PSMD1: variants seen among roughly 807,000 people sequenced by gnomAD.
PSMD1 encodes the protein proteasome 26S subunit, non-ATPase 1.
In PSMD1, 18 loss-of-function variants were observed where a neutral mutation model predicts 119.0. The observed-to-expected ratio is 0.15, with a 90% CI of 0.10 to 0.22. PSMD1 has a LOEUF of 0.22. PSMD1 is among the 10% of genes least tolerant of loss of function. PSMD1 has a pLI of 1.00. For missense variants in PSMD1, 702 were observed against 1,158.5 expected, an observed-to-expected ratio of 0.61 and a Z score of 5.72; for synonymous variants, 374 against 396.6, an observed-to-expected ratio of 0.94 and a Z score of 0.68.
chr2:231,096,606 A>C (rs1426916509), intron 16 of PSMD1, among the ~76,000 whole-genome samples: 1 of 152,228 alleles, frequency 6.6e-6, no homozygotes, highest in Non-Finnish European at 1.5e-5. Flanking sequence ...CCACAAAAGA[A>C]ATAGCACTTG....
intron 16 of PSMD1, among the ~76,000 whole-genome samples, chr2:231,099,849 C>T (rs566821098): frequency 2.8e-4 from 42 of 152,290 alleles, no homozygotes; most frequent in Non-Finnish European, 5.1e-4. Flanking sequence ...CACTGCCCCC[C>T]TCCCCCTTGC....
At chr2:231,161,310 A>G in intron 19 of PSMD1, 30 bp from the exon 20 acceptor site, 1 of 1,543,108 alleles carries the variant, frequency 6.5e-7, no homozygotes, top group Non-Finnish European at 8.8e-7. Context: ...CAATACTATT[A>G]TTGTTCATGG....
intron 16 of PSMD1, among the ~76,000 whole-genome samples, chr2:231,118,027 C>T (rs1695403064): frequency 6.6e-6 from 1 of 152,038 alleles, no homozygotes; most frequent in Non-Finnish European, 1.5e-5. Context: ...ATTCTAGAAT[C>T]AGTCCTCCTG....
At chr2:231,162,877 C>A (rs1158491260) in intron 20 of PSMD1, among the ~76,000 whole-genome samples, 2 of 147,508 alleles carry the variant, frequency 1.4e-5, no homozygotes, top group Admixed American at 1.4e-4. Flanking sequence ...GCGGGTGGAT[C>A]ACGAGGTCAG....
intron 18 of PSMD1, among the ~76,000 whole-genome samples, chr2:231,152,803 C>T (rs1696400772): frequency 6.6e-6 from 1 of 152,070 alleles, no homozygotes; most frequent in Admixed American, 6.6e-5. Context: ...GTTGGGAAAA[C>T]AGAGAAGTGT....
At chr2:231,109,308 G>A (rs1314079588) in intron 16 of PSMD1, 2 of 1,614,112 alleles carry the variant, frequency 1.2e-6, no homozygotes, top group African/African-American at 1.3e-5. Context: ...GAGCCAAAGA[G>A]CATGAAATCG....
intron 16 of PSMD1, among the ~76,000 whole-genome samples, chr2:231,101,268 C>T (rs1216786234): frequency 6.6e-6 from 1 of 152,048 alleles, no homozygotes; most frequent in Non-Finnish European, 1.5e-5. Flanking sequence ...CTTTACATTC[C>T]CTTGTTATCT....
intron 18 of PSMD1, among the ~76,000 whole-genome samples, chr2:231,148,916 A>G (rs2125256177): frequency 6.6e-6 from 1 of 152,360 alleles, no homozygotes; most frequent in South Asian, 2.1e-4. Flanking sequence ...TCTCAAGGCT[A>G]CAGAGTCTTA....
chr2:231,076,151 T>G (rs139409737), intron 8 of PSMD1, among the ~76,000 whole-genome samples: 306 of 152,310 alleles, frequency 2.0e-3, no homozygotes, highest in Non-Finnish European at 3.6e-3. Flanking sequence ...TAACTTCAAA[T>G]TACCTATCAC....
chr2:231,162,029 TAGG>T (rs1357506483), intron 20 of PSMD1, among the ~76,000 whole-genome samples: 1 of 152,088 alleles, frequency 6.6e-6, no homozygotes, highest in East Asian at 1.9e-4. Context: ...AAAAGCAAAA[TAGG>T]AGGATGACCC....
chr2:231,158,858 C>T (rs993805574), intron 19 of PSMD1, among the ~76,000 whole-genome samples: 4 of 151,978 alleles, frequency 2.6e-5, no homozygotes, highest in African/African-American at 4.8e-5. Context: ...TGGGGGTTAG[C>T]GTAGGGAAGA....
intron 4 of PSMD1, among the ~76,000 whole-genome samples, chr2:231,064,681 G>GT (rs1693854363): frequency 6.6e-6 from 1 of 152,118 alleles, no homozygotes; most frequent in Admixed American, 6.6e-5. Context: ...TTGTCTGTTT[G>GT]TTTTTTGGCA....
At chr2:231,105,050 AAC>A (rs1305665947) in intron 16 of PSMD1, among the ~76,000 whole-genome samples, 2 of 152,164 alleles carry the variant, frequency 1.3e-5, no homozygotes, top group Non-Finnish European at 2.9e-5. Flanking sequence ...CATGTTAGTA[AAC>A]ACATATTTGT....
chr2:231,154,120 C>CA lies in PSMD1; in HGVS notation c.2218+461dup, dbSNP rs555625383. ...AAGAGCAAAACTCGGTCTCCAAAAA[C>CA]AAAAAAACCAAAAAAAAGTACAGGC... is the stretch of plus-strand genomic sequence containing the variant. On this transcript the variant is annotated intron_variant, in intron 19 of 24. Coordinates refer to ENST00000308696, the MANE Select transcript of PSMD1 (RefSeq NM_002807.4). Among the ~76,000 whole-genome samples the CA allele has an allele frequency of 3.8e-3, 569 of 150,074 alleles. 4 individuals are homozygous for CA. Among genetic ancestry groups the CA allele is most frequent in the African/African-American group, 0.013 (531 of 40,810 alleles).
chr2:231,109,487 C>T (rs2125205593), intron 16 of PSMD1: 2 of 1,249,346 alleles, frequency 1.6e-6, no homozygotes, highest in East Asian at 2.3e-5. Flanking sequence ...TGGATTGTAT[C>T]CTTATAACTT....
At chr2:231,145,294 G>A (rs550623132) in intron 17 of PSMD1, among the ~76,000 whole-genome samples, 1 of 152,288 alleles carries the variant, frequency 6.6e-6, no homozygotes, top group East Asian at 1.9e-4. Context: ...TCATGTTACT[G>A]TACTGACTAG....
At chr2:231,095,762 C>CG (rs1168341554) in intron 16 of PSMD1, among the ~76,000 whole-genome samples, 1 of 152,154 alleles carries the variant, frequency 6.6e-6, no homozygotes, top group Non-Finnish European at 1.5e-5. Context: ...GGAATCGCTG[C>CG]GGGGGAAGGG....
chr2:231,065,191 G>A (rs1025922991), intron 4 of PSMD1, among the ~76,000 whole-genome samples: 10 of 151,344 alleles, frequency 6.6e-5, no homozygotes, highest in African/African-American at 2.2e-4. Flanking sequence ...ATCTTTGAAA[G>A]GGAAAGAAAC....
chr2:231,101,076 C>T (rs1250618616), intron 16 of PSMD1, among the ~76,000 whole-genome samples: 1 of 152,172 alleles, frequency 6.6e-6, no homozygotes, highest in African/African-American at 2.4e-5. Context: ...GAGAGTTAGC[C>T]ACCCCGATAA....
Sources: gnomAD v4.1 joint callset for allele counts (sites outside exome capture counted in the v4.1 genomes callset) on GRCh38, gnomAD v4.1.1 for gene constraint, MANE v1.5 for transcripts, NCBI Gene and HGNC (gene_info 2026-07-23, HGNC 2026-07-21) for gene names.